Variants in BRINP2 observed in about 807,000 individuals in gnomAD.
The protein encoded by BRINP2 is BMP/retinoic acid-inducible neural-specific protein 2.
In BRINP2, 21 loss-of-function variants were observed where a neutral mutation model predicts 69.2. The ratio of observed to expected loss-of-function variants is 0.30; its 90% CI spans 0.22 to 0.44. The LOEUF is 0.44. BRINP2 is among the 20% of genes least tolerant of loss of function. The pLI is 1.00. For synonymous variants in BRINP2, 380 were observed against 394.1 expected (o/e 0.96, Z 0.42); for missense variants, 877 against 986.0 (o/e 0.89, Z 1.48).
intron 1 of BRINP2, among the ~76,000 whole-genome samples, chr1:177,225,909 C>A (rs1159253803): frequency 2.0e-5 from 3 of 152,212 alleles, no homozygotes; most frequent in Non-Finnish European, 4.4e-5. Flanking sequence ...TTGAGAGGAG[C>A]AGTCGGCACT....
intron 4 of BRINP2, among the ~76,000 whole-genome samples, chr1:177,261,839 A>G (rs1166937168): frequency 6.6e-6 from 1 of 152,202 alleles, no homozygotes; most frequent in Non-Finnish European, 1.5e-5. Context: ...GAAGACTGAG[A>G]CAGAACAGAG....
chr1:177,257,383 A>G lies in BRINP2; in HGVS notation c.668A>G (p.Lys223Arg). 1.2e-6 allele frequency: 2 copies of G among 1,608,086 alleles called. No individual in the cohort carries two copies. Among genetic ancestry groups the G allele is most frequent in the South Asian group, 1.1e-5 (1 of 90,474 alleles). Reference protein sequence around the residue: ...HHIQIATGAIKVTETRTGPLG... With the variant: ...HHIQIATGAIRVTETRTGPLG... The stretch of plus-strand genomic sequence containing the variant: ...ATCCAGATAGCCACGGGGGCCATCA[A>G]GGTAATGACCTGAGAGGTACAGGGA... The change falls in exon 4 of 8, where the codon AAG becomes AGG. Residue 223 changes from lysine to arginine, a missense_variant and splice_region_variant. Physicochemically the swap from Lys to Arg is conservative, Grantham distance 26. Around this residue, in one of 3 missense-constraint regions of BRINP2, gnomAD observed 566 missense variants for 625.2 expected, o/e 0.91. Transcript: ENST00000361539.
At chr1:177,256,916 C>G (rs1650781349) in intron 3 of BRINP2, 1 of 1,303,760 alleles carries the variant, frequency 7.7e-7, no homozygotes, top group African/African-American at 1.5e-5. Flanking sequence ...AGACAGAGTT[C>G]AATAGAAGAT....
At chr1:177,270,091 T>A (rs71628235) in intron 4 of BRINP2, among the ~76,000 whole-genome samples, 3 of 140,260 alleles carry the variant, frequency 2.1e-5, no homozygotes, top group African/African-American at 5.5e-5. Context: ...GTGGGGGGGG[T>A]GGTTCTCAAG....
intron 2 of BRINP2, among the ~76,000 whole-genome samples, chr1:177,251,765 C>G (rs1207292056): frequency 6.6e-6 from 1 of 152,140 alleles, no homozygotes; most frequent in Admixed American, 6.6e-5. Flanking sequence ...AGACAACAGA[C>G]TACCAATTTT....
chr1:177,250,524 A>G (rs1264083467), intron 2 of BRINP2, among the ~76,000 whole-genome samples: 1 of 152,122 alleles, frequency 6.6e-6, no homozygotes, highest in African/African-American at 2.4e-5. Context: ...AACAGGTTTC[A>G]CCATCTTGGC....
intron 4 of BRINP2, 103 bp downstream of exon 4, chr1:177,257,487 G>T: frequency 1.8e-6 from 2 of 1,141,838 alleles, no homozygotes; most frequent in Non-Finnish European, 2.4e-6. Context: ...CCGACTGATG[G>T]AAGAGGAAAA....
Position 177,207,979 on chromosome 1 carries a change from G to A in BRINP2, c.-76-21822G>A, listed in dbSNP as rs181523263. Among the ~76,000 whole-genome samples the A allele has an allele frequency of 7.3e-4, 111 of 152,326 alleles. 1 individual carries two copies. The highest frequency in any genetic ancestry group is 2.6e-3 in the African/African-American group (107 of 41,574). ...CCGCAGACAAGTTAGGGTAATGGGG[G>A]AGAAGTGGATTGAGGGGTGTAGAAC... On this transcript the variant is annotated intron_variant, in intron 1 of 7. Coordinates refer to ENST00000361539, the MANE Select transcript of BRINP2 (RefSeq NM_021165.4).
chr1:177,196,011 G>C (rs547008195), intron 1 of BRINP2, among the ~76,000 whole-genome samples: 2 of 152,262 alleles, frequency 1.3e-5, no homozygotes, highest in Admixed American at 6.5e-5. Flanking sequence ...TTGATGACAC[G>C]CTGAATATGA....
In BRINP2 at chr1:177,188,335, G is replaced by A. The variant is rs546283021; in HGVS notation, c.-77+16603G>A. 4.6e-5 allele frequency among the ~76,000 whole-genome samples: 7 copies of A among 152,192 alleles called. No homozygotes were observed. The South Asian group carries it at 6.2e-4, about 14-fold the overall frequency. On this transcript the variant is annotated intron_variant, in intron 1 of 7. Transcript: ENST00000361539. The stretch of plus-strand genomic sequence containing the variant: ...TAAAGCAGACAAAAAAATAGAACCC[G>A]TGCCCTTGTGAAGCCTATGTTTTAG...
Position 177,276,358 on chromosome 1 carries a change from C to A in BRINP2, c.936C>A (p.Asp312Glu), listed in dbSNP as rs778837161. The change falls in exon 6 of 8, where the codon GAC becomes GAA. Residue 312 changes from aspartate (D) to glutamate (E), a missense_variant. This residue lies in a region of BRINP2 where 566 missense variants were observed against 625.2 expected (regional missense o/e 0.91). Coordinates refer to ENST00000361539, the MANE Select transcript of BRINP2 (RefSeq NM_021165.4). ...TFPECNCPDA[D>E]IQAMEDSLLQ... ...CTGAATGCAACTGCCCTGATGCTGACATCCAGGCCATGGAGGACAGCCTGC... is the reference window on the plus strand; with the variant it reads ...CTGAATGCAACTGCCCTGATGCTGAAATCCAGGCCATGGAGGACAGCCTGC... The A allele has an allele frequency of 6.2e-7, 1 of 1,614,238 alleles. No homozygotes were observed. Among genetic ancestry groups the A allele is most frequent in the Non-Finnish European group, 8.5e-7 (1 of 1,180,042 alleles).
At chr1:177,185,091 C>T (rs1293165090) in intron 1 of BRINP2, among the ~76,000 whole-genome samples, 2 of 151,854 alleles carry the variant, frequency 1.3e-5, no homozygotes, top group Non-Finnish European at 2.9e-5. Context: ...TACCCATACT[C>T]GGTTTGGTAG....
chr1:177,255,968 T>C lies in BRINP2; in HGVS notation c.319T>C (p.Phe107Leu), dbSNP rs753665301. 1 of 1,614,260 alleles carries C rather than the reference T, an allele frequency of 6.2e-7. No homozygotes were observed. Among genetic ancestry groups the C allele is most frequent in the Non-Finnish European group, 8.5e-7 (1 of 1,180,042 alleles). ...CAACTTGGCTCTGGAAAGGAAGGAC[T>C]TCTTCAGTTTGCCATTGCCTCTTGC... ...VNNLALERKD[F>L]FSLPLPLAPE... is the part of the protein sequence containing the mutation. The change falls in exon 3 of 8, where the codon TTC becomes CTC. Residue 107 changes from phenylalanine (F) to leucine (L), a missense_variant. Phe to Leu is a conservative substitution (Grantham distance 22). Around this residue, in one of 3 missense-constraint regions of BRINP2, gnomAD observed 566 missense variants for 625.2 expected, o/e 0.91. Coordinates refer to ENST00000361539, the MANE Select transcript of BRINP2 (RefSeq NM_021165.4).
intron 4 of BRINP2, 106 bp from the exon 5 acceptor site, chr1:177,273,382 G>C (rs746105346): frequency 1.5e-6 from 1 of 673,894 alleles, no homozygotes; most frequent in Non-Finnish European, 2.5e-6. Flanking sequence ...TCTACAGCTG[G>C]TCAAGGACAG....
At chr1:177,269,784 A>C (rs1651246839) in intron 4 of BRINP2, among the ~76,000 whole-genome samples, 1 of 152,092 alleles carries the variant, frequency 6.6e-6, no homozygotes, top group Non-Finnish European at 1.5e-5. Context: ...GGTTTGCATG[A>C]TCTGGTATTT....
chr1:177,235,552 T>A (rs888659571), intron 2 of BRINP2, among the ~76,000 whole-genome samples: 1 of 151,804 alleles, frequency 6.6e-6, no homozygotes, highest in African/African-American at 2.4e-5. Flanking sequence ...GATGGGGAAG[T>A]GAGGAGGCAG....
At chr1:177,186,159 A>T (rs1165112656) in intron 1 of BRINP2, among the ~76,000 whole-genome samples, 1 of 152,178 alleles carries the variant, frequency 6.6e-6, no homozygotes, top group Non-Finnish European at 1.5e-5. Context: ...TATGGAATAC[A>T]GTAGGCTGGC....
At chr1:177,250,317 C>CTTTGTTTGTTTG (rs3041985) in intron 2 of BRINP2, among the ~76,000 whole-genome samples, 1 of 150,668 alleles carries the variant, frequency 6.6e-6, no homozygotes, top group Non-Finnish European at 1.5e-5. Flanking sequence ...TGTGTGCATT[C>CTTTGTTTGTTTG]TTTGTTTGTT....
chr1:177,276,338 T>G lies in BRINP2; in HGVS notation c.916T>G (p.Cys306Gly). Residue 306 changes from cysteine to glycine, a missense_variant, in exon 6 of 8, where the codon TGC becomes GGC. Transcript: ENST00000361539. ...CAAGTGCAGCCCCACCTTCCCTGAA[T>G]GCAACTGCCCTGATGCTGACATCCA... is the stretch of plus-strand genomic sequence containing the variant. The part of the protein sequence containing the change: ...WCKCSPTFPE[C>G]NCPDADIQAM... 1 of 1,614,222 alleles carries G rather than the reference T, an allele frequency of 6.2e-7. No homozygotes were observed. The highest frequency in any genetic ancestry group is 8.5e-7 in the Non-Finnish European group (1 of 1,180,042).
Sources: gnomAD v4.1 joint callset for allele counts (sites outside exome capture counted in the v4.1 genomes callset) on GRCh38, gnomAD v4.1.1 for gene constraint, gnomAD v4.1.1 regional missense constraint, MANE v1.5 for transcripts, NCBI Gene and HGNC (gene_info 2026-07-23, HGNC 2026-07-21) for gene names.